TMEM38B: variants seen among roughly 807,000 people sequenced by gnomAD.
The protein encoded by TMEM38B is trimeric intracellular cation channel type B.
TMEM38B carries 24 observed loss-of-function variants against 28.7 expected under a neutral mutation model. The observed-to-expected ratio is 0.84, with a 90% confidence interval of 0.61 to 1.18. TMEM38B has a LOEUF of 1.18. TMEM38B is among the 50% of genes most tolerant of loss of function. TMEM38B has a pLI of 0.00. For missense variants in TMEM38B, 380 were observed against 350.9 expected, an observed-to-expected ratio of 1.08 and a Z score of -0.66; for synonymous variants, 131 against 127.7, an observed-to-expected ratio of 1.03 and a Z score of -0.17.
At chr9:105,704,470 G>A (rs1212751016) in intron 1 of TMEM38B, among the ~76,000 whole-genome samples, 1 of 152,050 alleles carries the variant, frequency 6.6e-6, no homozygotes, top group Non-Finnish European at 1.5e-5. Flanking sequence ...TATCTAGAAT[G>A]TTTTATTGGC....
intron 5 of TMEM38B, chr9:105,760,155 T>G (rs773370007): frequency 2.3e-6 from 2 of 885,450 alleles, no homozygotes; most frequent in Non-Finnish European, 3.8e-6. Context: ...CGCCACCAAA[T>G]TGTAGAAAGC....
At position 105,775,601 on chromosome 9, in the gene TMEM38B, G is replaced by C. The variant is rs1826701178; in HGVS notation, c.*1521G>C. ...ACTTTTCATAGTCTTGGAATGCTAA[G>C]AAGTTTTATTTTTAATATTGTGACA... On this transcript the variant is annotated 3_prime_UTR_variant, in exon 6 of 6. Transcript: ENST00000374692. The C allele has an allele frequency of 6.6e-6, 1 of 152,062 alleles. No individual in the cohort carries two copies. Among genetic ancestry groups the C allele is most frequent in the East Asian group, 1.9e-4 (1 of 5,178 alleles). The allele number at this position is 152,062 out of a possible 1,614,324, so 9.4% of individuals were successfully genotyped here.
intron 4 of TMEM38B, among the ~76,000 whole-genome samples, chr9:105,725,807 T>G (rs1428276089): frequency 6.6e-6 from 1 of 152,190 alleles, no homozygotes; most frequent in Non-Finnish European, 1.5e-5. Flanking sequence ...AGTTGCTCTC[T>G]GTGAGCCACT....
intron 1 of TMEM38B, among the ~76,000 whole-genome samples, chr9:105,703,862 G>A (rs1305713690): frequency 6.6e-6 from 1 of 152,034 alleles, no homozygotes; most frequent in Non-Finnish European, 1.5e-5. Flanking sequence ...AGAAGTGTCT[G>A]TTCATGTCCT....
rs1307483514 is a variant in TMEM38B at position 105,759,821 on chromosome 9, G to C, written c.660+11631G>C. 5 of 1,604,824 alleles carry C rather than the reference G, an allele frequency of 3.1e-6. No homozygotes were observed. In the African/African-American group the frequency reaches 6.7e-5, roughly 22 times the overall value. ...CAAGAGGAGTTGTGTAATGGGAAAT[G>C]CAAGTCAAAACAGCTTTGTAGGTCT... On this transcript the variant is annotated intron_variant, in intron 5 of 5. Transcript: ENST00000374692.
intron 1 of TMEM38B, chr9:105,702,596 A>C (rs1056887285): frequency 6.6e-6 from 1 of 152,218 alleles, no homozygotes; most frequent in East Asian, 1.9e-4. Context: ...ATTATTTTGT[A>C]GATGTGATTT....
At chr9:105,769,072 C>A (rs1482960237) in intron 5 of TMEM38B, among the ~76,000 whole-genome samples, 1 of 152,130 alleles carries the variant, frequency 6.6e-6, no homozygotes, top group Non-Finnish European at 1.5e-5. Flanking sequence ...AAAATACTTA[C>A]AACATATATC....
At chr9:105,752,768 A>T (rs1837701474) in intron 5 of TMEM38B, among the ~76,000 whole-genome samples, 1 of 152,178 alleles carries the variant, frequency 6.6e-6, no homozygotes, top group Non-Finnish European at 1.5e-5. Flanking sequence ...TTCTCCCCAA[A>T]ATGATTGCAA....
chr9:105,734,851 G>GC (rs1212851218), intron 4 of TMEM38B, among the ~76,000 whole-genome samples: 4 of 147,262 alleles, frequency 2.7e-5, no homozygotes, highest in Middle Eastern at 3.2e-3. Context: ...CTTGTAGGCA[G>GC]CATGTAGTTG....
At chr9:105,747,230 A>C (rs1262734679) in intron 4 of TMEM38B, among the ~76,000 whole-genome samples, 1 of 152,294 alleles carries the variant, frequency 6.6e-6, no homozygotes, top group Middle Eastern at 3.4e-3. Context: ...TTGGTAAGCT[A>C]TTAATTATTG....
intron 2 of TMEM38B, among the ~76,000 whole-genome samples, chr9:105,708,110 A>G (rs560054974): frequency 2.6e-5 from 4 of 152,146 alleles, no homozygotes; most frequent in Non-Finnish European, 5.9e-5. Flanking sequence ...CTTTGAGTCT[A>G]TTCGTTATTC....
At chr9:105,711,663 A>G (rs116162483) in intron 2 of TMEM38B, among the ~76,000 whole-genome samples, 3,514 of 151,438 alleles carry the variant, frequency 0.023, 136 homozygotes, top group African/African-American at 0.082. Flanking sequence ...CCTGGTCTCT[A>G]CCAAAAATTA....
At chr9:105,728,418 G>A (rs1836606121) in intron 4 of TMEM38B, among the ~76,000 whole-genome samples, 1 of 152,186 alleles carries the variant, frequency 6.6e-6, no homozygotes, top group Admixed American at 6.5e-5. Flanking sequence ...TAAAGGACAT[G>A]AACTCATCCT....
chr9:105,773,803 C>A (rs1433255781), intron 5 of TMEM38B, 62 bp from the exon 6 acceptor site: 1 of 1,502,554 alleles, frequency 6.7e-7, no homozygotes. Flanking sequence ...CCTTTTGTTT[C>A]TCTCTCTTGA....
At chr9:105,712,795 A>C (rs1835952063) in intron 2 of TMEM38B, among the ~76,000 whole-genome samples, 1 of 152,216 alleles carries the variant, frequency 6.6e-6, no homozygotes, top group Non-Finnish European at 1.5e-5. Flanking sequence ...CACAGGGAGA[A>C]GGCGGACAGC....
In TMEM38B at chr9:105,707,994, C is replaced by T. The variant is rs115754380; in HGVS notation, c.269+2241C>T. The stretch of plus-strand genomic sequence containing the variant: ...TGAAACTATACAAAAAGGAAGATAT[C>T]CAGAATTTGATACTTTCTGTTATTT... On this transcript the variant is annotated intron_variant, in intron 2 of 5. Coordinates refer to ENST00000374692, the MANE Select transcript of TMEM38B (RefSeq NM_018112.3). 1.1e-3 allele frequency among the ~76,000 whole-genome samples: 164 copies of T among 152,042 alleles called. 1 individual carries two copies. The highest frequency in any genetic ancestry group is 3.9e-3 in the African/African-American group (161 of 41,486).
intron 2 of TMEM38B, among the ~76,000 whole-genome samples, chr9:105,718,816 A>G (rs988837320): frequency 8.5e-5 from 13 of 152,126 alleles, no homozygotes; most frequent in African/African-American, 3.1e-4. Flanking sequence ...CCAAGTATCA[A>G]TTACTTATAT....
intron 4 of TMEM38B, among the ~76,000 whole-genome samples, chr9:105,738,482 A>G (rs1450942771): frequency 2.0e-5 from 3 of 151,740 alleles, no homozygotes; most frequent in African/African-American, 4.8e-5. Flanking sequence ...ATCAAGATGT[A>G]GTTGTTATTT....
chr9:105,694,719 T>G lies in TMEM38B; in HGVS notation c.59T>G (p.Phe20Cys). The change falls in exon 1 of 6, where the codon TTT (phenylalanine) becomes TGT (cysteine). Residue 20 changes from phenylalanine to cysteine, a missense_variant. Phe to Cys is a radical substitution (Grantham distance 205, BLOSUM62 -2). Coordinates refer to ENST00000374692, the MANE Select transcript of TMEM38B (RefSeq NM_018112.3). ...LAFSRTSMFP[F>C]FDIAHYLVSV... The stretch of plus-strand genomic sequence containing the variant: ...TTCTCCCGCACGTCCATGTTTCCCT[T>G]TTTTGACATCGCGCACTATCTAGTG... 6.2e-7 allele frequency: 1 copy of G among 1,613,958 alleles called. No individual in the cohort carries two copies. The highest frequency in any genetic ancestry group is 8.5e-7 in the Non-Finnish European group (1 of 1,179,900).
Sources: allele counts gnomAD v4.1 joint callset (sites outside exome capture counted in the v4.1 genomes callset), GRCh38; gene constraint gnomAD v4.1.1; transcripts MANE v1.5; gene names NCBI Gene and HGNC (gene_info 2026-07-23, HGNC 2026-07-21).